Variants in KMT2C observed in about 807,000 individuals in gnomAD.
KMT2C encodes histone-lysine N-methyltransferase 2C.
In KMT2C, 88 loss-of-function variants were observed where a neutral mutation model predicts 507.9. The observed-to-expected ratio is 0.17, with a 90% confidence interval of 0.15 to 0.21. The LOEUF (loss-of-function observed/expected upper bound fraction) is 0.21. Ranked by LOEUF, KMT2C falls within the 10% of genes least tolerant of loss-of-function variation. The pLI is 1.00. For missense variants in KMT2C, 4,954 were observed against 5,957.8 expected (o/e 0.83, Z 5.55); for synonymous variants, 2,049 against 2,080.8 (o/e 0.98, Z 0.42).
intron 6 of KMT2C, among the ~76,000 whole-genome samples, chr7:152,291,963 T>C (rs1789343723): frequency 6.6e-6 from 1 of 152,236 alleles, no homozygotes; most frequent in African/African-American, 2.4e-5. Flanking sequence ...AAAACTTACT[T>C]TAATTATAGC....
At chr7:152,179,066 C>T (rs1005237984) in intron 37 of KMT2C, among the ~76,000 whole-genome samples, 3 of 152,242 alleles carry the variant, frequency 2.0e-5, no homozygotes, top group African/African-American at 7.2e-5. Flanking sequence ...CCTCGGCTCA[C>T]TGCAACCTCC....
At chr7:152,408,512 T>C (rs920485528) in intron 1 of KMT2C, among the ~76,000 whole-genome samples, 11 of 152,214 alleles carry the variant, frequency 7.2e-5, no homozygotes, top group African/African-American at 2.7e-4. Flanking sequence ...ACACAGCAGG[T>C]GAGCGGCAGG....
chr7:152,158,872 G>A lies in KMT2C; in HGVS notation c.11661C>T (p.His3887=), dbSNP rs2092274354. 2 of 1,614,024 alleles carry A rather than the reference G, an allele frequency of 1.2e-6. No individual in the cohort carries two copies. Among genetic ancestry groups the A allele is most frequent in the African/African-American group, 2.7e-5 (2 of 75,064 alleles). ...AATGACTCACCCTCACCTGTTTCAA[G>A]TGGGTAAACGTGTCAGTGCTAGAGT... ...AMYSSTDTFT[H]LKQQNNLSNP... The change falls in exon 44 of 59, where the codon CAC becomes CAT. Residue 3887 remains histidine, a synonymous_variant. Coordinates refer to ENST00000262189, the MANE Select transcript of KMT2C (RefSeq NM_170606.3).
chr7:152,369,300 G>A lies in KMT2C; in HGVS notation c.162-10625C>T, dbSNP rs2097273523. On this transcript the variant is annotated intron_variant, in intron 1 of 58. Coordinates refer to ENST00000262189, the MANE Select transcript of KMT2C (RefSeq NM_170606.3). ...ATCACGCCACCACACTCCAGCCTGG[G>A]CAACAGAGTGAGGCCCTGTCTCAAA... 2.0e-5 allele frequency among the ~76,000 whole-genome samples: 3 copies of A among 151,014 alleles called. 1 individual carries two copies. The highest frequency in any genetic ancestry group is 4.4e-5 in the Non-Finnish European group (3 of 67,892).
At chr7:152,304,904 C>G (rs1193064139) in intron 6 of KMT2C, among the ~76,000 whole-genome samples, 2 of 152,162 alleles carry the variant, frequency 1.3e-5, no homozygotes, top group Non-Finnish European at 2.9e-5. Flanking sequence ...AGCTATATCG[C>G]CCCTAGGGAA....
At position 152,307,582 on chromosome 7, in the gene KMT2C, G is replaced by A. The variant is rs2096633332; in HGVS notation, c.849+2384C>T. Reference sequence around the variant, plus strand: ...CTCAATCTGCATTTAACTTGCTTAGGCCCACCAAATTCTAATGCCTAAACA... The same window carrying A: ...CTCAATCTGCATTTAACTTGCTTAGACCCACCAAATTCTAATGCCTAAACA... On this transcript the variant is annotated intron_variant, in intron 6 of 58. Coordinates refer to ENST00000262189, the MANE Select transcript of KMT2C (RefSeq NM_170606.3). 3.3e-5 allele frequency among the ~76,000 whole-genome samples: 5 copies of A among 152,048 alleles called. No homozygotes were observed. In the South Asian group the frequency reaches 1.0e-3, roughly 32 times the overall value.
At chr7:152,329,820 A>G (rs1447824882) in intron 3 of KMT2C, among the ~76,000 whole-genome samples, 1 of 151,932 alleles carries the variant, frequency 6.6e-6, no homozygotes, top group African/African-American at 2.4e-5. Flanking sequence ...AAGGTCTAAA[A>G]ACTCTTAAAA....
In KMT2C at chr7:152,179,988, G is replaced by C. The variant is rs763552620; in HGVS notation, c.7288C>G (p.Gln2430Glu). The change falls in exon 37 of 59, where the codon CAG becomes GAG. Residue 2430 changes from glutamine to glutamate, a missense_variant. Physicochemically the swap from Gln to Glu is conservative, Grantham distance 29 (BLOSUM62 2). Coordinates refer to ENST00000262189, the MANE Select transcript of KMT2C (RefSeq NM_170606.3). ...GGAGGTGGGGGTCTGGTGAAAGCCT[G>C]GTTAACATTCTCTGGTTGCCAGTGT... is the stretch of plus-strand genomic sequence containing the variant. ...LQHWQPENVN[Q>E]AFTRPPPPYP... 9 of 1,614,132 alleles carry C rather than the reference G, an allele frequency of 5.6e-6. No individual in the cohort carries two copies. Among genetic ancestry groups the C allele is most frequent in the Admixed American group, 1.7e-5 (1 of 60,024 alleles).
At chr7:152,166,493 CTAT>C (rs746333714) in intron 42 of KMT2C, among the ~76,000 whole-genome samples, 2 of 152,066 alleles carry the variant, frequency 1.3e-5, no homozygotes, top group Non-Finnish European at 2.9e-5. Flanking sequence ...TTGTACACTA[CTAT>C]TGTTTTATTT....
rs555354880 is a variant in KMT2C, at chr7:152,274,692, C to T, written c.850-825G>A. Among the ~76,000 whole-genome samples the T allele has an allele frequency of 2.6e-5, 4 of 152,298 alleles. No individual in the cohort carries two copies. In the East Asian group the frequency reaches 7.7e-4, roughly 29 times the overall value. The stretch of plus-strand genomic sequence containing the variant: ...TTCTTTGAAGAGAGTTTGATGGGCC[C>T]TGTACTATACAGTATGACATCTCTC... On this transcript the variant is annotated intron_variant, in intron 6 of 58. Transcript: ENST00000262189.
intron 1 of KMT2C, chr7:152,367,522 G>A (rs909843751): frequency 1.7e-5 from 19 of 1,129,876 alleles, no homozygotes; most frequent in African/African-American, 4.6e-5. Flanking sequence ...CCAGAGAGGC[G>A]AACCTGGATT....
intron 8 of KMT2C, among the ~76,000 whole-genome samples, chr7:152,264,162 T>C (rs1421900326): frequency 2.0e-5 from 3 of 152,346 alleles, no homozygotes; most frequent in Non-Finnish European, 4.4e-5. Context: ...ATATTTTATC[T>C]AATTTTTACC....
At chr7:152,326,250 T>C (rs2129209073) in intron 3 of KMT2C, among the ~76,000 whole-genome samples, 1 of 152,296 alleles carries the variant, frequency 6.6e-6, no homozygotes, top group East Asian at 1.9e-4. Context: ...TTATTAGAAT[T>C]TTCTTGAACC....
At chr7:152,379,040 T>C (rs2097350185) in intron 1 of KMT2C, among the ~76,000 whole-genome samples, 1 of 152,192 alleles carries the variant, frequency 6.6e-6, no homozygotes. Flanking sequence ...AACAGCCTGG[T>C]CTGTAGAAAG....
intron 2 of KMT2C, among the ~76,000 whole-genome samples, chr7:152,343,975 G>T (rs1470573453): frequency 1.3e-5 from 2 of 151,210 alleles, no homozygotes; most frequent in Non-Finnish European, 2.9e-5. Context: ...CTCAGAAGGG[G>T]CAAGTGAAGA....
chr7:152,314,698 A>G (rs1229275935), intron 4 of KMT2C, among the ~76,000 whole-genome samples: 1 of 152,184 alleles, frequency 6.6e-6, no homozygotes, highest in Admixed American at 6.5e-5. Context: ...AAAAGACATG[A>G]GTAGTGAAAA....
intron 52 of KMT2C, among the ~76,000 whole-genome samples, chr7:152,147,337 T>G (rs1191953918): frequency 6.6e-6 from 1 of 152,214 alleles, no homozygotes; most frequent in South Asian, 2.1e-4. Flanking sequence ...TATGACAATG[T>G]ATACAGTATG....
chr7:152,297,056 AGAGAGAGAGAGAGAGAGAGAGAGAG>A (rs1461652278), intron 6 of KMT2C, among the ~76,000 whole-genome samples: 590 of 42,038 alleles, frequency 0.014, 12 homozygotes, highest in South Asian at 0.04. Context: ...AAAGAAAGAC[AGAGAGAGAGAGAGAGAGAGAGAGAG>A]AGAGAGAGAG....
At chr7:152,222,394 T>C (rs967896326) in intron 21 of KMT2C, among the ~76,000 whole-genome samples, 179 bp downstream of exon 21, 3 of 152,248 alleles carry the variant, frequency 2.0e-5, no homozygotes, top group South Asian at 4.1e-4. Flanking sequence ...TAAATTGTTT[T>C]ATAACAAGTT....
Sources: allele counts gnomAD v4.1 joint callset (sites outside exome capture counted in the v4.1 genomes callset), GRCh38; gene constraint gnomAD v4.1.1; transcripts MANE v1.5; gene names NCBI Gene and HGNC (gene_info 2026-07-23, HGNC 2026-07-21).